Variants in AP1S3 observed in about 807,000 individuals in gnomAD.
AP1S3 encodes the protein adaptor related protein complex 1 subunit sigma 3, also known as AP-1 complex subunit sigma-3.
A neutral mutation model predicts 20.9 loss-of-function variants in AP1S3; 10 were observed. The observed-to-expected ratio is 0.48, with a 90% CI of 0.29 to 0.81. The LOEUF is 0.81. Among genes scored for constraint, AP1S3 ranks in the 30% least tolerant of loss-of-function variants. The pLI is 0.08. For synonymous variants in AP1S3, 41 were observed against 61.5 expected (o/e 0.67, Z 1.56); for missense variants, 154 against 183.8 (o/e 0.84, Z 0.94).
chr2:223,778,903 T>G (rs1324132342), intron 1 of AP1S3, among the ~76,000 whole-genome samples: 1 of 152,130 alleles, frequency 6.6e-6, no homozygotes, highest in African/African-American at 2.4e-5. Flanking sequence ...TTCACCATGT[T>G]GGACAGGCTG....
At chr2:223,784,612 C>A (rs964522722) in intron 1 of AP1S3, among the ~76,000 whole-genome samples, 3 of 152,152 alleles carry the variant, frequency 2.0e-5, no homozygotes, top group African/African-American at 7.2e-5. Flanking sequence ...CCACCCACCC[C>A]CAGACCTCCA....
intron 1 of AP1S3, among the ~76,000 whole-genome samples, chr2:223,836,978 CCAAAT>C (rs1458213713): frequency 2.0e-5 from 3 of 152,024 alleles, no homozygotes; most frequent in Admixed American, 6.6e-5. Flanking sequence ...AGAGGCTTTG[CCAAAT>C]CAAAAGTTGC....
intron 1 of AP1S3, among the ~76,000 whole-genome samples, chr2:223,814,834 T>C (rs1224741110): frequency 1.3e-5 from 2 of 152,190 alleles, no homozygotes; most frequent in Non-Finnish European, 2.9e-5. Flanking sequence ...TGGTGTACAA[T>C]GGCACGATCA....
chr2:223,825,621 T>C (rs1002778614), intron 1 of AP1S3, among the ~76,000 whole-genome samples: 1 of 152,240 alleles, frequency 6.6e-6, no homozygotes, highest in Non-Finnish European at 1.5e-5. Flanking sequence ...GCTATGCATG[T>C]AAAAAATTTT....
intron 3 of AP1S3, among the ~76,000 whole-genome samples, chr2:223,773,687 C>CGT (rs1559278075): frequency 2.0e-5 from 3 of 151,920 alleles, no homozygotes; most frequent in Non-Finnish European, 2.9e-5. Flanking sequence ...TCTGATAAAA[C>CGT]GTGTTCAATA....
intron 4 of AP1S3, among the ~76,000 whole-genome samples, chr2:223,760,628 A>T (rs1690331745): frequency 6.6e-6 from 1 of 151,418 alleles, no homozygotes. Context: ...CCATTGGGCC[A>T]TGCTGGTTTT....
chr2:223,837,500 A>G lies in AP1S3; in HGVS notation c.-50T>C. On this transcript the variant is annotated 5_prime_UTR_variant, in exon 1 of 5. Transcript: ENST00000396654. ...GCCTTGCGAGCAAGGAGCGCTGGAG[A>G]AGCGAGGGCGAGAGGCGAGCGCTGG... The G allele has an allele frequency of 1.6e-6, 2 of 1,254,772 alleles. No individual in the cohort carries two copies. The highest frequency in any genetic ancestry group is 2.0e-6 in the Non-Finnish European group (2 of 991,642). The allele number at this position is 1,254,772 out of a possible 1,614,324, so 77.7% of individuals were successfully genotyped here.
chr2:223,831,847 C>T (rs554094977), intron 1 of AP1S3, among the ~76,000 whole-genome samples: 27 of 152,178 alleles, frequency 1.8e-4, no homozygotes, highest in Admixed American at 7.2e-4. Flanking sequence ...GAGGCTGAGG[C>T]GGGCAGATCA....
intron 1 of AP1S3, among the ~76,000 whole-genome samples, chr2:223,820,376 A>G (rs1691958459): frequency 6.6e-6 from 1 of 152,162 alleles, no homozygotes; most frequent in Non-Finnish European, 1.5e-5. Flanking sequence ...ATTTATTGCC[A>G]GAATATTTTT....
intron 4 of AP1S3, among the ~76,000 whole-genome samples, chr2:223,762,342 G>A (rs1395689235): frequency 1.7e-4 from 25 of 143,012 alleles, no homozygotes; most frequent in African/African-American, 4.2e-4. Flanking sequence ...GTGGAATCTC[G>A]GCTCACTGCA....
At chr2:223,815,838 A>C (rs907170949) in intron 1 of AP1S3, among the ~76,000 whole-genome samples, 2 of 152,244 alleles carry the variant, frequency 1.3e-5, no homozygotes, top group Non-Finnish European at 2.9e-5. Flanking sequence ...AGGGACAGGC[A>C]GTGGCTCAGG....
chr2:223,806,588 A>C (rs1691588985), intron 1 of AP1S3, among the ~76,000 whole-genome samples: 1 of 151,920 alleles, frequency 6.6e-6, no homozygotes, highest in Admixed American at 6.6e-5. Context: ...CTGGCCAACA[A>C]AGGATTATTT....
At chr2:223,795,204 G>A (rs1691307517) in intron 1 of AP1S3, among the ~76,000 whole-genome samples, 1 of 152,152 alleles carries the variant, frequency 6.6e-6, no homozygotes, top group Admixed American at 6.5e-5. Context: ...AGCCGAGATT[G>A]AGGCACTGCA....
intron 1 of AP1S3, among the ~76,000 whole-genome samples, chr2:223,819,901 G>A (rs1299505722): frequency 6.9e-6 from 1 of 145,740 alleles, no homozygotes; most frequent in African/African-American, 2.6e-5. Context: ...AATGAGTTCA[G>A]GATAAATGGG....
chr2:223,819,616 A>T (rs1038786930), intron 1 of AP1S3, among the ~76,000 whole-genome samples: 1 of 132,634 alleles, frequency 7.5e-6, no homozygotes. Flanking sequence ...AAAAAAAATT[A>T]AAGTCCTATC....
chr2:223,808,938 T>G (rs956861720), intron 1 of AP1S3, among the ~76,000 whole-genome samples: 2 of 152,102 alleles, frequency 1.3e-5, no homozygotes, highest in African/African-American at 4.8e-5. Context: ...GAGGCTGCAG[T>G]GAGCTGTGTT....
chr2:223,772,576 T>C (rs1690658946), intron 3 of AP1S3, among the ~76,000 whole-genome samples: 1 of 152,146 alleles, frequency 6.6e-6, no homozygotes, highest in African/African-American at 2.4e-5. Flanking sequence ...CCTCTATAAA[T>C]TGAGGTTAAT....
At chr2:223,780,276 AAT>A (rs138804582) in intron 1 of AP1S3, among the ~76,000 whole-genome samples, 62 of 24,370 alleles carry the variant, frequency 2.5e-3, no homozygotes, top group East Asian at 5.8e-3. Context: ...ATGCCTGGCT[AAT>A]ATATATATAT....
chr2:223,796,541 TC>T (rs1393135902), intron 1 of AP1S3, among the ~76,000 whole-genome samples: 1 of 152,178 alleles, frequency 6.6e-6, no homozygotes, highest in Admixed American at 6.5e-5. Flanking sequence ...AATCTGGAGT[TC>T]CTTTCTTTTT....
Sources: allele counts gnomAD v4.1 joint callset (sites outside exome capture counted in the v4.1 genomes callset), GRCh38; gene constraint gnomAD v4.1.1; transcripts MANE v1.5; gene names NCBI Gene and HGNC (gene_info 2026-07-23, HGNC 2026-07-21).